The following OR1F1 variants were observed in gnomAD, a reference collection of about 807,000 sequenced individuals.
OR1F1 encodes the protein olfactory receptor 1F1.
For synonymous variants in OR1F1, 184 were observed against 156.7 expected, an observed-to-expected ratio of 1.17 and a Z score of -1.30; for missense variants, 493 against 376.3, an observed-to-expected ratio of 1.31 and a Z score of -2.57.
the OR1F1 span, among the ~76,000 whole-genome samples, chr16:3,191,746 C>T: frequency 1.3e-5 from 2 of 148,766 alleles, no homozygotes; most frequent in Non-Finnish European, 3.0e-5. Context: ...AGCACCGGGA[C>T]GGGCTGGTTG....
upstream of OR1F1, among the ~76,000 whole-genome samples, chr16:3,201,492 G>T (rs953217992): frequency 6.6e-6 from 1 of 152,140 alleles, no homozygotes; most frequent in Non-Finnish European, 1.5e-5. Context: ...ATTTTTGTCT[G>T]CTTGTTTAAT....
the OR1F1 span, among the ~76,000 whole-genome samples, chr16:3,197,383 T>C: frequency 2.6e-5 from 4 of 152,314 alleles, no homozygotes; most frequent in African/African-American, 7.2e-5. Context: ...AATCAATATA[T>C]ACATTATCAA....
At chr16:3,189,883 C>A in the OR1F1 span, 1 of 152,006 alleles carries the variant, frequency 6.6e-6, no homozygotes, top group Non-Finnish European at 1.5e-5. Flanking sequence ...AGTCCTGTCA[C>A]CAGTGTTGCC....
the OR1F1 span, among the ~76,000 whole-genome samples, chr16:3,191,711 G>C: frequency 6.6e-6 from 1 of 151,978 alleles, no homozygotes; most frequent in African/African-American, 2.4e-5. Flanking sequence ...CAGCAGCAAG[G>C]ATTGTCAGTG....
chr16:3,197,746 A>G, the OR1F1 span, among the ~76,000 whole-genome samples: 1 of 100,900 alleles, frequency 9.9e-6, no homozygotes. Flanking sequence ...GGAGAAGGAG[A>G]GGGAGAGGGA....
upstream of OR1F1, among the ~76,000 whole-genome samples, chr16:3,202,969 A>C (rs188773680): frequency 1.0e-4 from 15 of 150,474 alleles, no homozygotes; most frequent in East Asian, 2.7e-3. Flanking sequence ...TTATCTTCTT[A>C]ATCCCAGTAC....
chr16:3,192,050 C>G, the OR1F1 span, among the ~76,000 whole-genome samples: 1 of 152,080 alleles, frequency 6.6e-6, no homozygotes, highest in African/African-American at 2.4e-5. Context: ...GTTCAAATCC[C>G]GGACGAGCCC....
Position 3,204,797 on chromosome 16 carries a change from T to C in OR1F1, c.551T>C (p.Leu184Pro), listed in dbSNP as rs149846008. 326 of 1,614,184 alleles carry C rather than the reference T, an allele frequency of 2.0e-4. 1 individual carries two copies. The highest frequency in any genetic ancestry group is 2.7e-4 in the Non-Finnish European group (316 of 1,180,030). The change falls in exon 1 of 1, where the codon CTA (leucine) becomes CCA (proline). Residue 184 changes from leucine to proline, a missense_variant. Physicochemically the swap from Leu to Pro is moderately conservative, Grantham distance 98. Coordinates refer to ENST00000304646, the Ensembl canonical transcript of OR1F1. ...CACTTCTTCTGCGATGTGACTCCCC[T>C]ACTGAAACTCTCCTGCTCAGACACA... is the stretch of plus-strand genomic sequence containing the variant.
At chr16:3,205,038 C>T (rs770492320) in exon 1 of OR1F1, 5 of 1,614,074 alleles carry the variant, frequency 3.1e-6, no homozygotes, top group Non-Finnish European at 4.2e-6. Context: ...ACCCTCTGTC[C>T]TCCCACTCAG....
chr16:3,192,270 A>C, the OR1F1 span, among the ~76,000 whole-genome samples: 2 of 150,428 alleles, frequency 1.3e-5, no homozygotes, highest in South Asian at 2.1e-4. Context: ...GTTAGCCAGG[A>C]TGGTCTTGAT....
chr16:3,203,660 A>G (rs2141592059), upstream of OR1F1, among the ~76,000 whole-genome samples: 1 of 152,338 alleles, frequency 6.6e-6, no homozygotes, highest in African/African-American at 2.4e-5. Context: ...GCTACTTGGG[A>G]GGCTGAAGCA....
downstream of OR1F1, among the ~76,000 whole-genome samples, chr16:3,205,398 C>T (rs541444785): frequency 5.3e-5 from 8 of 152,272 alleles, no homozygotes; most frequent in African/African-American, 1.9e-4. Flanking sequence ...TCACTGCACC[C>T]TCCATCTCCC....
upstream of OR1F1, among the ~76,000 whole-genome samples, chr16:3,199,930 C>A (rs1958117359): frequency 1.3e-5 from 2 of 150,472 alleles, no homozygotes; most frequent in South Asian, 4.2e-4. Flanking sequence ...GCAGGAGAAT[C>A]GCTTGAACCC....
At chr16:3,195,100 G>C in the OR1F1 span, among the ~76,000 whole-genome samples, 4,328 of 152,270 alleles carry the variant, frequency 0.028, 212 homozygotes, top group African/African-American at 0.097. Context: ...TCCGGGAAGC[G>C]CATCCCGGCC....
the OR1F1 span, among the ~76,000 whole-genome samples, chr16:3,192,005 G>C: frequency 6.6e-6 from 1 of 152,116 alleles, no homozygotes; most frequent in African/African-American, 2.4e-5. Context: ...TTGGTCTAGG[G>C]GTATGATTCT....
At chr16:3,204,742 C>G (rs758254767) in exon 1 of OR1F1, 2 of 1,614,146 alleles carry the variant, frequency 1.2e-6, no homozygotes, top group South Asian at 1.1e-5. Context: ...GATGGCTCCA[C>G]TCTCATTCTG....
At chr16:3,200,405 G>A (rs1010443713), upstream of OR1F1, among the ~76,000 whole-genome samples, 5 of 152,250 alleles carry the variant, frequency 3.3e-5, no homozygotes, top group East Asian at 9.6e-4. Flanking sequence ...TCAGGAATTC[G>A]AGACCAGCCT....
the OR1F1 span, among the ~76,000 whole-genome samples, chr16:3,191,676 T>C: frequency 2.2e-4 from 34 of 151,848 alleles, no homozygotes; most frequent in African/African-American, 8.2e-4. Flanking sequence ...CCCTCAATGA[T>C]TGAATTTTGG....
chr16:3,198,483 T>A, the OR1F1 span, among the ~76,000 whole-genome samples: 1 of 152,088 alleles, frequency 6.6e-6, no homozygotes, highest in Non-Finnish European at 1.5e-5. Flanking sequence ...CATGGGTGTT[T>A]TAGGGGAATC....
Sources: allele counts gnomAD v4.1 joint callset (sites outside exome capture counted in the v4.1 genomes callset), GRCh38; gene constraint gnomAD v4.1.1; transcripts MANE v1.5; gene names NCBI Gene and HGNC (gene_info 2026-07-23, HGNC 2026-07-21).